RPS6KA2: variants seen among roughly 807,000 people sequenced by gnomAD.
RPS6KA2 encodes ribosomal protein S6 kinase A2, also known as ribosomal protein S6 kinase alpha-2.
In RPS6KA2, 42 loss-of-function variants were observed where a neutral mutation model predicts 91.8. The observed-to-expected ratio is 0.46, with a 90% CI of 0.36 to 0.59. The LOEUF (loss-of-function observed/expected upper bound fraction) is 0.59. Among genes scored for constraint, RPS6KA2 ranks in the 20% least tolerant of loss-of-function variants. RPS6KA2 has a pLI of 0.00. For synonymous variants in RPS6KA2, 414 were observed against 393.6 expected, an observed-to-expected ratio of 1.05 and a Z score of -0.61; for missense variants, 798 against 978.5, an observed-to-expected ratio of 0.82 and a Z score of 2.46.
chr6:166,585,244 G>A (rs889619495), intron 1 of RPS6KA2, among the ~76,000 whole-genome samples: 11 of 152,318 alleles, frequency 7.2e-5, no homozygotes, highest in Middle Eastern at 3.4e-3. Context: ...AAACGAAGCC[G>A]TCCTCGCTGG....
chr6:166,632,838 C>T (rs1394107077), intron 2 of RPS6KA2, among the ~76,000 whole-genome samples: 1 of 152,080 alleles, frequency 6.6e-6, no homozygotes, highest in Non-Finnish European at 1.5e-5. Flanking sequence ...GACAGCGCAA[C>T]TCAGGAACAG....
chr6:166,862,510 G>A (rs1196814290), exon 1 of RPS6KA2: 1 of 483,472 alleles, frequency 2.1e-6, no homozygotes, highest in African/African-American at 2.0e-5. Flanking sequence ...AATCTGTACT[G>A]CGACTTTGGC....
intron 14 of RPS6KA2, among the ~76,000 whole-genome samples, chr6:166,446,436 A>G (rs1052334295): frequency 6.6e-6 from 1 of 152,192 alleles, no homozygotes; most frequent in Non-Finnish European, 1.5e-5. Flanking sequence ...CTGCTGGCCA[A>G]CTTTGTCCAG....
intron 2 of RPS6KA2, among the ~76,000 whole-genome samples, chr6:166,823,488 ATCT>A (rs1779958346): frequency 2.0e-5 from 3 of 150,954 alleles, no homozygotes; most frequent in Non-Finnish European, 4.4e-5. Context: ...GGGTGACCTT[ATCT>A]TTAGAGACAC....
intron 2 of RPS6KA2, among the ~76,000 whole-genome samples, chr6:166,841,070 T>C (rs963298465): frequency 2.7e-5 from 4 of 150,880 alleles, no homozygotes; most frequent in Non-Finnish European, 4.4e-5. Context: ...TCACTTGAGG[T>C]TGGGAGTTCA....
rs1449593352 is a variant in RPS6KA2 at position 166,448,822 on chromosome 6, T to G, written c.1234A>C (p.Thr412Pro). The G allele has an allele frequency of 5.6e-6, 9 of 1,613,542 alleles. No individual in the cohort carries two copies. ...QQLHGNNIHF[T>P]DGYEIKEDIG... ...TCCTCCTTGATCTCGTAGCCATCGG[T>G]GAAGTGGATGTTGTTCCCGTGTAAC... Residue 412 changes from threonine (T) to proline (P), a missense_variant, in exon 14 of 21, where the codon ACC becomes CCC. Transcript: ENST00000265678. This position sits in a 1 kb window ranked among gnomAD's most constrained non-coding sequence, Gnocchi z 4.7.
At chr6:166,458,706 C>CGAGA (rs1562507800) in intron 12 of RPS6KA2, among the ~76,000 whole-genome samples, 2 of 152,262 alleles carry the variant, frequency 1.3e-5, no homozygotes, top group African/African-American at 4.8e-5. Context: ...CAAGTCAAGG[C>CGAGA]GAGAGCTCTC....
At chr6:166,769,587 C>G (rs1206555290) in intron 2 of RPS6KA2, among the ~76,000 whole-genome samples, 1 of 152,220 alleles carries the variant, frequency 6.6e-6, no homozygotes, top group East Asian at 1.9e-4. Flanking sequence ...CCATACAGTT[C>G]AAAACACAAG....
At position 166,508,403 on chromosome 6, in the gene RPS6KA2, G is replaced by T; in HGVS notation, c.380-121C>A. The T allele has an allele frequency of 1.5e-6, 1 of 667,556 alleles. No individual in the cohort carries two copies. Among genetic ancestry groups the T allele is most frequent in the Non-Finnish European group, 2.7e-6 (1 of 374,278 alleles). 41.4% of individuals were successfully genotyped at this position (667,556 alleles called of 1,614,324 possible). A position where few individuals can be genotyped will look rare whatever the true frequency, so the allele number is the denominator to read the frequency against. On this transcript the variant is annotated intron_variant, in intron 4 of 20. Coordinates refer to ENST00000265678, the MANE Select transcript of RPS6KA2 (RefSeq NM_021135.6). The surrounding 1 kb of genome is among the most constrained non-coding windows in gnomAD (Gnocchi z 4.3). ...CGGGAGGCTGAGTCACTTGAGAAAC[G>T]GCAGGACCCCGGCTGGTGACCAGCT...
At chr6:166,458,665 C>T (rs981303595) in intron 12 of RPS6KA2, among the ~76,000 whole-genome samples, 4 of 152,140 alleles carry the variant, frequency 2.6e-5, no homozygotes, top group East Asian at 3.9e-4. Context: ...AGAAAGGCCA[C>T]GTGGGGACAC....
chr6:166,551,819 T>C (rs950283032), intron 1 of RPS6KA2, among the ~76,000 whole-genome samples: 2 of 152,154 alleles, frequency 1.3e-5, no homozygotes, highest in African/African-American at 2.4e-5. Context: ...GAACAATAAC[T>C]TGAATGGAAT....
intron 2 of RPS6KA2, among the ~76,000 whole-genome samples, chr6:166,633,878 C>T (rs1229262622): frequency 6.6e-6 from 1 of 152,112 alleles, no homozygotes; most frequent in Non-Finnish European, 1.5e-5. Context: ...CGGAACGTGC[C>T]ACGCTTTAAG....
rs149149671 is a variant in RPS6KA2 at position 166,430,597 on chromosome 6, G to A, written c.1437C>T (p.Gly479=). 5.6e-6 allele frequency: 9 copies of A among 1,613,452 alleles called. No homozygotes were observed. The highest frequency in any genetic ancestry group is 7.6e-6 in the Non-Finnish European group (9 of 1,179,776). The change falls in exon 16 of 21, where the codon GGC becomes GGT. Residue 479 remains glycine, a synonymous_variant. Transcript: ENST00000265678. ...IITLKDVYDD[G]KFVYLVMELM... ...GCTCCATTACCAGGTACACAAACTT[G>A]CCATCATCATAGACCTGCGGAGTGG...
At chr6:166,799,011 G>A (rs1386988284) in intron 2 of RPS6KA2, among the ~76,000 whole-genome samples, 1 of 152,264 alleles carries the variant, frequency 6.6e-6, no homozygotes, top group Non-Finnish European at 1.5e-5. Context: ...TCAGCTGAGA[G>A]AGCTTTAAAA....
chr6:166,594,960 T>C (rs2128523162), intron 1 of RPS6KA2, among the ~76,000 whole-genome samples: 1 of 152,326 alleles, frequency 6.6e-6, no homozygotes, highest in African/African-American at 2.4e-5. Context: ...ATTCTAACAT[T>C]AGTCTTGAAA....
intron 2 of RPS6KA2, among the ~76,000 whole-genome samples, chr6:166,723,556 A>G (rs1790244611): frequency 6.6e-6 from 1 of 152,214 alleles, no homozygotes; most frequent in South Asian, 2.1e-4. Flanking sequence ...TCTAATAACA[A>G]TACGTAAATA....
At chr6:166,700,307 T>A (rs1027295680) in intron 2 of RPS6KA2, among the ~76,000 whole-genome samples, 6 of 152,344 alleles carry the variant, frequency 3.9e-5, no homozygotes, top group Admixed American at 3.9e-4. Flanking sequence ...TCTTTGAACA[T>A]TTGATTTTTT....
At chr6:166,713,560 A>T (rs1562397071) in intron 2 of RPS6KA2, among the ~76,000 whole-genome samples, 5 of 152,204 alleles carry the variant, frequency 3.3e-5, no homozygotes, top group Admixed American at 2.6e-4. Context: ...ATACAAAAAC[A>T]TTCACGCATG....
chr6:166,784,549 G>T (rs376688221), intron 2 of RPS6KA2, among the ~76,000 whole-genome samples: 1 of 4,150 alleles, frequency 2.4e-4, no homozygotes, highest in African/African-American at 1.8e-3. Flanking sequence ...CACCTATGCA[G>T]AACCACATAT....
Sources: gnomAD v4.1 joint callset for allele counts (sites outside exome capture counted in the v4.1 genomes callset) on GRCh38, gnomAD v4.1.1 for gene constraint, Gnocchi (gnomAD v3.1) non-coding constraint, MANE v1.5 for transcripts, NCBI Gene and HGNC (gene_info 2026-07-23, HGNC 2026-07-21) for gene names.